DEPTOR: variants seen among roughly 807,000 people sequenced by gnomAD.
The protein encoded by DEPTOR is DEP domain-containing mTOR-interacting protein.
DEPTOR carries 41 observed loss-of-function variants against 41.6 expected under a neutral mutation model. That is an observed-to-expected ratio of 0.98 (90% CI 0.77 to 1.28). DEPTOR has a LOEUF of 1.28. Ranked by LOEUF, DEPTOR falls within the 50% of genes most tolerant of loss-of-function variation. The pLI is 0.00. For synonymous variants in DEPTOR, 195 were observed against 192.3 expected, an observed-to-expected ratio of 1.01 and a Z score of -0.12; for missense variants, 514 against 527.9, an observed-to-expected ratio of 0.97 and a Z score of 0.26.
rs1046630175 is a variant in DEPTOR at position 119,943,265 on chromosome 8, C to T, written c.425+13327C>T. On this transcript the variant is annotated intron_variant, in intron 3 of 8. Transcript: ENST00000286234. ...AGGCCACTGTATTAGTCCATTCTCA[C>T]ACCGCTGTAACGAACTGCCAGAGAT... is the stretch of plus-strand genomic sequence containing the variant. Among the ~76,000 whole-genome samples the T allele has an allele frequency of 3.3e-5, 5 of 152,190 alleles. No homozygotes were observed. The East Asian group carries it at 9.6e-4, about 29-fold the overall frequency.
intron 3 of DEPTOR, among the ~76,000 whole-genome samples, chr8:119,941,844 C>G (rs949923534): frequency 6.6e-6 from 1 of 152,204 alleles, no homozygotes; most frequent in African/African-American, 2.4e-5. Flanking sequence ...ACCCTGGTTT[C>G]CAGCTCTAGG....
chr8:120,003,573 T>G (rs1812389160), intron 6 of DEPTOR, among the ~76,000 whole-genome samples: 1 of 152,076 alleles, frequency 6.6e-6, no homozygotes, highest in South Asian at 2.1e-4. Flanking sequence ...GGGCAGTATG[T>G]GACAGTGCTC....
chr8:119,956,180 C>G (rs534216753), intron 3 of DEPTOR, among the ~76,000 whole-genome samples: 1 of 152,256 alleles, frequency 6.6e-6, no homozygotes, highest in Non-Finnish European at 1.5e-5. Flanking sequence ...TGTCATATGG[C>G]AAAAATAATT....
At chr8:120,043,964 A>G (rs1268312966) in intron 8 of DEPTOR, among the ~76,000 whole-genome samples, 2 of 151,760 alleles carry the variant, frequency 1.3e-5, no homozygotes, top group Non-Finnish European at 2.9e-5. Flanking sequence ...GTGAGCCAAA[A>G]TCCTGCCACT....
intron 3 of DEPTOR, among the ~76,000 whole-genome samples, chr8:119,964,551 A>T (rs912314471): frequency 2.1e-5 from 3 of 144,830 alleles, no homozygotes; most frequent in African/African-American, 7.7e-5. Context: ...AAAAAAAATT[A>T]GTGAGGACAC....
At chr8:119,874,142 G>C (rs990665534) in intron 1 of DEPTOR, 174 bp downstream of exon 1, 3 of 1,024,094 alleles carry the variant, frequency 2.9e-6, no homozygotes, top group African/African-American at 1.7e-5. Flanking sequence ...CTGCAGCCTC[G>C]GTCCCTGAGG....
chr8:119,880,785 G>A (rs1586595538), intron 1 of DEPTOR, among the ~76,000 whole-genome samples: 2 of 152,352 alleles, frequency 1.3e-5, no homozygotes, highest in African/African-American at 4.8e-5. Flanking sequence ...TTAATGGGAA[G>A]ATAAATTGCA....
chr8:119,897,388 C>T (rs7814496), intron 1 of DEPTOR, among the ~76,000 whole-genome samples: 75,607 of 151,852 alleles, frequency 0.5, 20,540 homozygotes, highest in East Asian at 0.92. Flanking sequence ...CAAAAATTAG[C>T]TGGACATGGT....
intron 1 of DEPTOR, among the ~76,000 whole-genome samples, chr8:119,918,944 T>G (rs987820291): frequency 7.3e-6 from 1 of 137,190 alleles, no homozygotes; most frequent in Non-Finnish European, 1.6e-5. Context: ...AGTGAGTGTG[T>G]GTGTGTGTGT....
At chr8:119,998,428 G>A (rs1228385038) in intron 4 of DEPTOR, among the ~76,000 whole-genome samples, 2 of 152,136 alleles carry the variant, frequency 1.3e-5, no homozygotes, top group Middle Eastern at 3.2e-3. Flanking sequence ...TGACTAATGA[G>A]GTTGAGCCTC....
intron 8 of DEPTOR, among the ~76,000 whole-genome samples, chr8:120,030,826 C>T (rs1202089830): frequency 2.6e-5 from 4 of 151,832 alleles, no homozygotes; most frequent in South Asian, 2.1e-4. Context: ...GACAGGGTCT[C>T]GCTCTGTCAC....
rs372386513 is a variant in DEPTOR at position 119,988,231 on chromosome 8, A to G, written c.605-13294A>G. Among the ~76,000 whole-genome samples, 104 of 152,290 alleles carry G rather than the reference A, an allele frequency of 6.8e-4. 1 individual carries two copies. In the South Asian group the frequency reaches 0.021, roughly 31 times the overall value. ...GCTGGAATGCACTGTTCCTCATGGCAGAGTCCCTTAGGGCTTCCGTTGGCT... is the reference window on the plus strand; with the variant it reads ...GCTGGAATGCACTGTTCCTCATGGCGGAGTCCCTTAGGGCTTCCGTTGGCT... On this transcript the variant is annotated intron_variant, in intron 4 of 8. Transcript: ENST00000286234.
intron 3 of DEPTOR, 80 bp from the exon 4 acceptor site, chr8:119,965,152 T>C: frequency 6.9e-7 from 1 of 1,457,026 alleles, no homozygotes; most frequent in Non-Finnish European, 9.2e-7. Context: ...GCTGTAGTAC[T>C]TCATGGAAAT....
chr8:119,923,251 T>A (rs1454595777), intron 1 of DEPTOR, among the ~76,000 whole-genome samples: 1 of 152,120 alleles, frequency 6.6e-6, no homozygotes, highest in Non-Finnish European at 1.5e-5. Context: ...ATTATTTATT[T>A]ATTTATTTTT....
intron 4 of DEPTOR, among the ~76,000 whole-genome samples, chr8:119,976,674 A>G (rs1442046448): frequency 6.6e-6 from 1 of 152,164 alleles, no homozygotes; most frequent in Non-Finnish European, 1.5e-5. Context: ...CCAGCCACCT[A>G]TGGCCAGGTG....
At chr8:119,884,968 G>T (rs556078574) in intron 1 of DEPTOR, among the ~76,000 whole-genome samples, 18 of 152,270 alleles carry the variant, frequency 1.2e-4, no homozygotes, top group Admixed American at 1.1e-3. Context: ...TAGAGATGAG[G>T]TTTTACCATG....
At position 120,001,811 on chromosome 8, in the gene DEPTOR, A is replaced by G. The variant is rs574862213; in HGVS notation, c.790+101A>G. ...GAAATTCTGTTCTCTATCAGAGCGT[A>G]GAATTTTTACTTATTCATAACCAAG... On this transcript the variant is annotated intron_variant, in intron 5 of 8. Transcript: ENST00000286234. 4.3e-5 allele frequency: 58 copies of G among 1,362,920 alleles called. No homozygotes were observed. In the South Asian group the frequency reaches 9.9e-4, roughly 23 times the overall value. The allele number at this position is 1,362,920 out of a possible 1,614,324, so 84.4% of individuals were successfully genotyped here. A position where few individuals can be genotyped will look rare whatever the true frequency, so the allele number is the denominator to read the frequency against.
At chr8:119,947,465 C>T (rs1828297451) in intron 3 of DEPTOR, among the ~76,000 whole-genome samples, 1 of 152,186 alleles carries the variant, frequency 6.6e-6, no homozygotes, top group Non-Finnish European at 1.5e-5. Context: ...CTCCTGCTTG[C>T]TGTTTCTTTT....
At chr8:120,042,646 G>A (rs990151282) in intron 8 of DEPTOR, among the ~76,000 whole-genome samples, 5 of 151,888 alleles carry the variant, frequency 3.3e-5, no homozygotes, top group African/African-American at 1.2e-4. Context: ...AGCCTCCCAA[G>A]TAGCTGGGAT....
Sources: allele counts gnomAD v4.1 joint callset (sites outside exome capture counted in the v4.1 genomes callset), GRCh38; gene constraint gnomAD v4.1.1; transcripts MANE v1.5; gene names NCBI Gene and HGNC (gene_info 2026-07-23, HGNC 2026-07-21).